The following TRIM26 variants were observed in gnomAD, a reference collection of about 807,000 sequenced individuals.
TRIM26 encodes tripartite motif-containing protein 26.
A neutral mutation model predicts 45.5 loss-of-function variants in TRIM26; 16 were observed. The observed-to-expected ratio is 0.35, with a 90% CI of 0.24 to 0.53. The LOEUF (loss-of-function observed/expected upper bound fraction) is 0.53, where lower values mean the gene tolerates loss of function less well. Ranked by LOEUF, TRIM26 falls within the 20% of genes least tolerant of loss-of-function variation. The pLI is 0.92. For missense variants in TRIM26, 442 were observed against 691.1 expected, an observed-to-expected ratio of 0.64 and a Z score of 4.04; for synonymous variants, 273 against 290.4, an observed-to-expected ratio of 0.94 and a Z score of 0.61.
In TRIM26 at chr6:30,186,575, A is replaced by G. The variant is rs747974883; in HGVS notation, c.938-17T>C. ...TGACGCTCACTGTGGGGACAAGGGAAAAAAAAAAAAACAGCATCACTGTTT... is the reference window on the plus strand; with the variant it reads ...TGACGCTCACTGTGGGGACAAGGGAGAAAAAAAAAAACAGCATCACTGTTT... On this transcript the variant is annotated splice_polypyrimidine_tract_variant and intron_variant, in intron 9 of 9. Transcript: ENST00000454678. The surrounding 1 kb of genome is among the most constrained non-coding windows in gnomAD (Gnocchi z 7.4). 7.1e-4 allele frequency: 897 copies of G among 1,266,758 alleles called. No individual in the cohort carries two copies. The highest frequency in any genetic ancestry group is 3.7e-3 in the East Asian group (119 of 32,200). 78.5% of individuals were successfully genotyped at this position (1,266,758 alleles called of 1,614,324 possible).
At chr6:30,210,652 C>A (rs959670032) in intron 1 of TRIM26, among the ~76,000 whole-genome samples, 3 of 152,126 alleles carry the variant, frequency 2.0e-5, no homozygotes, top group African/African-American at 7.2e-5. Flanking sequence ...ACCTGTTTCT[C>A]CTACACATAC....
Position 30,184,481 on chromosome 6 carries a change from C to T in TRIM26, c.*1395G>A, listed in dbSNP as rs955766452. On this transcript the variant is annotated 3_prime_UTR_variant, in exon 10 of 10. Transcript: ENST00000454678. ...TCATTCAACAAGTCTTTATTGAGCA[C>T]CTACTCTGTGCCCAGCACTGCACTA... 1 of 152,224 alleles carries T rather than the reference C, an allele frequency of 6.6e-6. No individual in the cohort carries two copies. Among genetic ancestry groups the T allele is most frequent in the African/African-American group, 2.4e-5 (1 of 41,428 alleles). The allele number at this position is 152,224 out of a possible 1,614,324, so 9.4% of individuals were successfully genotyped here. A position where few individuals can be genotyped will look rare whatever the true frequency, so the allele number is the denominator to read the frequency against.
rs1777841940 is a variant in TRIM26, at chr6:30,207,509, C to G, written c.-375-2744G>C. Among the ~76,000 whole-genome samples the G allele has an allele frequency of 1.3e-5, 2 of 152,156 alleles. No individual in the cohort carries two copies. Among genetic ancestry groups the G allele is most frequent in the African/African-American group, 2.4e-5 (1 of 41,438 alleles). ...GCTGCAGCCACTCTGGCCTTTTGAT[C>G]CTCAAACACACTCGGTCACGTGTTA... On this transcript the variant is annotated intron_variant, in intron 1 of 9. Transcript: ENST00000454678. This position sits in a 1 kb window ranked among gnomAD's most constrained non-coding sequence, Gnocchi z 4.9.
At chr6:30,187,440 T>A (rs1775306001) in intron 9 of TRIM26, 1 of 500,044 alleles carries the variant, frequency 2.0e-6, no homozygotes, top group South Asian at 1.5e-5. Context: ...CAGGTTATGA[T>A]AAAGCTCTCC....
rs752530838 is a variant in TRIM26, at chr6:30,189,646, C to T, written c.789-113G>A. The T allele has an allele frequency of 1.6e-5, 15 of 936,568 alleles. No homozygotes were observed. The highest frequency in any genetic ancestry group is 2.0e-5 in the Non-Finnish European group (12 of 608,112). The allele number at this position is 936,568 out of a possible 1,614,324, so 58.0% of individuals were successfully genotyped here. Reference sequence around the variant, plus strand: ...AGGGGAGAGGAAAGGTATGATTATCCCCAAACAAGTGACAGAAAAACAGTG... The same window carrying T: ...AGGGGAGAGGAAAGGTATGATTATCTCCAAACAAGTGACAGAAAAACAGTG... On this transcript the variant is annotated intron_variant, in intron 7 of 9. Transcript: ENST00000454678. The surrounding 1 kb of genome is among the most constrained non-coding windows in gnomAD (Gnocchi z 5.0).
Position 30,198,520 on chromosome 6 carries a change from T to G in TRIM26, c.443A>C (p.Lys148Thr). The change falls in exon 5 of 10, where the codon AAA becomes ACA. Residue 148 changes from lysine to threonine, a missense_variant. Coordinates refer to ENST00000454678, the MANE Select transcript of TRIM26 (RefSeq NM_003449.5). The surrounding 1 kb of genome is among the most constrained non-coding windows in gnomAD (Gnocchi z 6.3). ...MEKAAQPHRE[K>T]ILNHLSTLRR... ...TAGGGTACTCAGGTGGTTCAGGATT[T>G]TTTCCTGTGGAAAAACAAGCAGTGG... 1 of 1,613,070 alleles carries G rather than the reference T, an allele frequency of 6.2e-7. No homozygotes were observed.
rs1775249463 is a variant in TRIM26, at chr6:30,186,858, A to C, written c.938-300T>G. 1.1e-6 allele frequency: 1 copy of C among 881,462 alleles called. No individual in the cohort carries two copies. Among genetic ancestry groups the C allele is most frequent in the African/African-American group, 1.7e-5 (1 of 60,038 alleles). 54.6% of individuals were successfully genotyped at this position (881,462 alleles called of 1,614,324 possible). On this transcript the variant is annotated intron_variant, in intron 9 of 9. Transcript: ENST00000454678. The surrounding 1 kb of genome is among the most constrained non-coding windows in gnomAD (Gnocchi z 7.4). ...TTTCATAAGCTTCCTCTATCTCTGGATCTCTGGGTCCAACTCATCATTAAT... is the reference window on the plus strand; with the variant it reads ...TTTCATAAGCTTCCTCTATCTCTGGCTCTCTGGGTCCAACTCATCATTAAT...
At chr6:30,195,704 C>T (rs560264980) in intron 6 of TRIM26, among the ~76,000 whole-genome samples, 1 of 152,276 alleles carries the variant, frequency 6.6e-6, no homozygotes, top group African/African-American at 2.4e-5. Context: ...CCTAGAGATC[C>T]TGGGTGGCTC....
rs1774953525 is a variant in TRIM26 at position 30,184,591 on chromosome 6, T to A, written c.*1285A>T. 6.6e-6 allele frequency: 1 copy of A among 152,628 alleles called. No homozygotes were observed. The highest frequency in any genetic ancestry group is 1.5e-5 in the Non-Finnish European group (1 of 68,060). The allele number at this position is 152,628 out of a possible 1,614,324, so 9.5% of individuals were successfully genotyped here. ...ACTAGAGGCAGAAATAAGATGTACA[T>A]GTGACTCAGGCAGCATGTGACACAC... On this transcript the variant is annotated 3_prime_UTR_variant, in exon 10 of 10. Coordinates refer to ENST00000454678, the MANE Select transcript of TRIM26 (RefSeq NM_003449.5).
Position 30,189,527 on chromosome 6 carries a change from T to C in TRIM26, c.795A>G (p.Pro265=), listed in dbSNP as rs1446645718. The C allele has an allele frequency of 6.2e-7, 1 of 1,612,710 alleles. No individual in the cohort carries two copies. Among genetic ancestry groups the C allele is most frequent in the Admixed American group, 1.7e-5 (1 of 60,024 alleles). The change falls in exon 8 of 10, where the codon CCA becomes CCG. Residue 265 remains proline (P), a synonymous_variant. Transcript: ENST00000454678. This position sits in a 1 kb window ranked among gnomAD's most constrained non-coding sequence, Gnocchi z 5.0. The part of the protein sequence containing the change: ...QDTRDFLNRY[P]RKKFWVGKPI... ...GTTTCCCAACCCAGAACTTCTTCCG[T>C]GGATACCTAAGAAGATGACATACAT...
chr6:30,204,257 T>C (rs1271818720), intron 2 of TRIM26, among the ~76,000 whole-genome samples: 1 of 152,192 alleles, frequency 6.6e-6, no homozygotes. Context: ...CTCTGCTCAA[T>C]CCACTACACT....
In TRIM26 at chr6:30,198,313, C is replaced by T; in HGVS notation, c.534+116G>A. On this transcript the variant is annotated intron_variant, in intron 5 of 9. Transcript: ENST00000454678. This position sits in a 1 kb window ranked among gnomAD's most constrained non-coding sequence, Gnocchi z 6.3. ...GGTCTGCTACTGCCAGGCTGACACC[C>T]ATCCTCCCTGTGAGCAGCGCCTAGA... 1 of 1,103,498 alleles carries T rather than the reference C, an allele frequency of 9.1e-7. No individual in the cohort carries two copies. Among genetic ancestry groups the T allele is most frequent in the Non-Finnish European group, 1.4e-6 (1 of 740,632 alleles). 68.4% of individuals were successfully genotyped at this position (1,103,498 alleles called of 1,614,324 possible).
Position 30,186,783 on chromosome 6 carries a change from T to C in TRIM26, c.938-225A>G. On this transcript the variant is annotated intron_variant, in intron 9 of 9. Coordinates refer to ENST00000454678, the MANE Select transcript of TRIM26 (RefSeq NM_003449.5). The surrounding 1 kb of genome is among the most constrained non-coding windows in gnomAD (Gnocchi z 7.4). ...AAACTGCTTTATAAACATGATATAC[T>C]GAAATTTAACTTGACTGTTTTCGCT... The C allele has an allele frequency of 9.2e-7, 1 of 1,086,720 alleles. No individual in the cohort carries two copies. The highest frequency in any genetic ancestry group is 1.4e-5 in the South Asian group (1 of 70,850). 67.3% of individuals were successfully genotyped at this position (1,086,720 alleles called of 1,614,324 possible).
rs1221947858 is a variant in TRIM26 at position 30,185,710 on chromosome 6, T to C, written c.*166A>G. 3 of 746,258 alleles carry C rather than the reference T, an allele frequency of 4.0e-6. No homozygotes were observed. The highest frequency in any genetic ancestry group is 6.5e-6 in the Non-Finnish European group (3 of 462,306). The allele number at this position is 746,258 out of a possible 1,614,324, so 46.2% of individuals were successfully genotyped here. ...AGGGCAGTAGATGGAGCAACAGCAC[T>C]GAGTGAGATTTCAGGGGGCCACAGC... On this transcript the variant is annotated 3_prime_UTR_variant, in exon 10 of 10. Transcript: ENST00000454678. This position sits in a 1 kb window ranked among gnomAD's most constrained non-coding sequence, Gnocchi z 5.7.
chr6:30,193,250 C>T (rs1171145058), intron 6 of TRIM26, among the ~76,000 whole-genome samples: 8 of 142,936 alleles, frequency 5.6e-5, no homozygotes, highest in South Asian at 2.2e-4. Context: ...GGCACAATCT[C>T]GGCTCACTGC....
At position 30,189,587 on chromosome 6, in the gene TRIM26, CA is replaced by C; in HGVS notation, c.789-55del. On this transcript the variant is annotated intron_variant, in intron 7 of 9. Coordinates refer to ENST00000454678, the MANE Select transcript of TRIM26 (RefSeq NM_003449.5). This position sits in a 1 kb window ranked among gnomAD's most constrained non-coding sequence, Gnocchi z 5.0. ...TTACTCAGCTCTTCTTACTTTCCTT[CA>C]TACTTATCTCTCAATCCTCATGGCA... 7.1e-7 allele frequency: 1 copy of C among 1,415,356 alleles called. No individual in the cohort carries two copies. Among genetic ancestry groups the C allele is most frequent in the Non-Finnish European group, 1.0e-6 (1 of 1,003,064 alleles). 87.7% of individuals were successfully genotyped at this position (1,415,356 alleles called of 1,614,324 possible).
chr6:30,212,827 GGA>G (rs1778414786), intron 1 of TRIM26, among the ~76,000 whole-genome samples: 1 of 151,126 alleles, frequency 6.6e-6, no homozygotes, highest in African/African-American at 2.4e-5. Flanking sequence ...GGCCAAATAG[GGA>G]GAAAATCAGT....
chr6:30,189,256 C>A lies in TRIM26; in HGVS notation c.905-57G>T. On this transcript the variant is annotated intron_variant, in intron 8 of 9. Coordinates refer to ENST00000454678, the MANE Select transcript of TRIM26 (RefSeq NM_003449.5). The surrounding 1 kb of genome is among the most constrained non-coding windows in gnomAD (Gnocchi z 5.0). ...GTCCCGAAAATTTATGAGCCCATTT[C>A]TTGCTCGGGCAGTATCAATTTCCTG... is the stretch of plus-strand genomic sequence containing the variant. 1 of 1,610,930 alleles carries A rather than the reference C, an allele frequency of 6.2e-7. No homozygotes were observed. The highest frequency in any genetic ancestry group is 8.5e-7 in the Non-Finnish European group (1 of 1,178,160).
intron 6 of TRIM26, among the ~76,000 whole-genome samples, chr6:30,191,648 A>C (rs934355757): frequency 2.0e-5 from 3 of 152,184 alleles, no homozygotes; most frequent in Admixed American, 6.5e-5. Flanking sequence ...GTGGCTGCTG[A>C]TGACTGCTTC....
Sources: allele counts gnomAD v4.1 joint callset (sites outside exome capture counted in the v4.1 genomes callset), GRCh38; gene constraint gnomAD v4.1.1; non-coding constraint Gnocchi (gnomAD v3.1); transcripts MANE v1.5; gene names NCBI Gene and HGNC (gene_info 2026-07-23, HGNC 2026-07-21).